The following MAPK10 variants were observed in gnomAD, a reference collection of about 807,000 sequenced individuals.
MAPK10 encodes JNK3 alpha protein kinase.
In MAPK10, 25 loss-of-function variants were observed where a neutral mutation model predicts 59.3. The observed-to-expected ratio is 0.42, with a 90% CI of 0.31 to 0.59. The LOEUF (loss-of-function observed/expected upper bound fraction) is 0.59. MAPK10 is among the 20% of genes least tolerant of loss of function. The pLI is 0.15. For synonymous variants in MAPK10, 190 were observed against 200.5 expected (o/e 0.95, Z 0.44); for missense variants, 351 against 568.9 (o/e 0.62, Z 3.90).
chr4:86,568,846 A>G (rs1292876033), intron 1 of MAPK10, among the ~76,000 whole-genome samples: 1 of 152,162 alleles, frequency 6.6e-6, no homozygotes, highest in Non-Finnish European at 1.5e-5. Context: ...AAAATCCAAA[A>G]GAAAACCTAG....
chr4:86,181,436 A>G (rs1011251318), intron 3 of MAPK10, among the ~76,000 whole-genome samples: 2 of 152,100 alleles, frequency 1.3e-5, no homozygotes, highest in African/African-American at 2.4e-5. Context: ...TCATAACTAA[A>G]TCATCGGTAA....
In MAPK10 at chr4:86,433,742, G is replaced by A. The variant is rs146695948; in HGVS notation, c.-122+19288C>T. On this transcript the variant is annotated intron_variant, in intron 1 of 13. Transcript: ENST00000361569. Reference sequence around the variant, plus strand: ...AAAACTGCTGGACCACGACTAGGCCGAGCTGTGCCCAGTCCAAGGCTCTAG... The same window carrying A: ...AAAACTGCTGGACCACGACTAGGCCAAGCTGTGCCCAGTCCAAGGCTCTAG... Among the ~76,000 whole-genome samples the A allele has an allele frequency of 5.9e-3, 903 of 151,866 alleles. 7 individuals are homozygous for A. The highest frequency in any genetic ancestry group is 0.019 in the African/African-American group (801 of 41,410).
intron 2 of MAPK10, among the ~76,000 whole-genome samples, chr4:86,233,841 A>G (rs377601564): frequency 2.0e-5 from 3 of 152,140 alleles, no homozygotes; most frequent in African/African-American, 7.2e-5. Context: ...CAGGAATCCA[A>G]AAAAGATGCT....
intron 2 of MAPK10, among the ~76,000 whole-genome samples, chr4:86,302,032 C>CAA (rs11284646): frequency 6.8e-6 from 1 of 147,624 alleles, no homozygotes; most frequent in Non-Finnish European, 1.5e-5. Flanking sequence ...TTTTTAAAAG[C>CAA]AAAAAAAAAA....
At chr4:86,271,776 T>A (rs1298208359) in intron 2 of MAPK10, among the ~76,000 whole-genome samples, 3 of 151,946 alleles carry the variant, frequency 2.0e-5, no homozygotes, top group South Asian at 2.1e-4. Flanking sequence ...AAAGCCCCTA[T>A]AAAAACATCA....
chr4:86,184,724 A>G lies in MAPK10; in HGVS notation c.66+9612T>C, dbSNP rs1026386520. On this transcript the variant is annotated intron_variant, in intron 3 of 13. Transcript: ENST00000641462. ...CTCTTGCTCCCACGCTGGCCGTGTG[A>G]GATGCCTGCTCCTCCCTTGCTTTCT... 5.9e-5 allele frequency among the ~76,000 whole-genome samples: 9 copies of G among 152,000 alleles called. No individual in the cohort carries two copies. In the South Asian group the frequency reaches 1.9e-3, roughly 32 times the overall value.
intron 8 of MAPK10, 93 bp from the exon 9 acceptor site, chr4:86,098,688 T>C: frequency 1.8e-6 from 2 of 1,104,098 alleles, no homozygotes; most frequent in Non-Finnish European, 2.7e-6. Context: ...AAAGAACAGT[T>C]TGATTAAAAG....
intron 2 of MAPK10, among the ~76,000 whole-genome samples, chr4:86,309,672 G>A (rs1372647704): frequency 6.6e-6 from 1 of 152,182 alleles, no homozygotes; most frequent in African/African-American, 2.4e-5. Flanking sequence ...TCTTGGGCAA[G>A]TTACTAACCT....
chr4:86,151,532 G>C (rs556059295), intron 4 of MAPK10, among the ~76,000 whole-genome samples: 2 of 152,122 alleles, frequency 1.3e-5, no homozygotes, highest in African/African-American at 4.8e-5. Flanking sequence ...GGGCTGATCC[G>C]GATGAGAGTT....
chr4:86,283,097 A>G (rs968876033), intron 2 of MAPK10, among the ~76,000 whole-genome samples: 16 of 152,176 alleles, frequency 1.1e-4, no homozygotes, highest in African/African-American at 3.6e-4. Flanking sequence ...TATAAAAAGG[A>G]TTCACTGGTT....
intron 4 of MAPK10, among the ~76,000 whole-genome samples, chr4:86,155,987 T>A (rs572348645): frequency 5.3e-4 from 80 of 152,066 alleles, no homozygotes; most frequent in African/African-American, 1.8e-3. Context: ...ATGAGTCACA[T>A]CCCCAGAAGG....
intron 2 of MAPK10, among the ~76,000 whole-genome samples, chr4:86,350,792 C>G (rs1209999748): frequency 6.6e-6 from 1 of 152,098 alleles, no homozygotes; most frequent in African/African-American, 2.4e-5. Flanking sequence ...GAATAATGGA[C>G]AAGAAGATAG....
intron 4 of MAPK10, among the ~76,000 whole-genome samples, chr4:86,118,132 T>G (rs1232940032): frequency 3.3e-5 from 5 of 152,222 alleles, no homozygotes; most frequent in African/African-American, 1.2e-4. Flanking sequence ...TGGCTGACAC[T>G]ACAATCTTTC....
chr4:86,289,149 C>A (rs1385047959), intron 2 of MAPK10, among the ~76,000 whole-genome samples: 1 of 151,946 alleles, frequency 6.6e-6, no homozygotes, highest in Non-Finnish European at 1.5e-5. Flanking sequence ...AGTGAAGGAG[C>A]GTTTAGGATA....
At chr4:86,581,150 C>T (rs1565074015) in intron 1 of MAPK10, among the ~76,000 whole-genome samples, 1 of 151,898 alleles carries the variant, frequency 6.6e-6, no homozygotes, top group Non-Finnish European at 1.5e-5. Flanking sequence ...TTTATGGATT[C>T]AACTTATTGC....
intron 1 of MAPK10, among the ~76,000 whole-genome samples, chr4:86,468,554 G>A (rs965793942): frequency 6.6e-6 from 1 of 152,136 alleles, no homozygotes; most frequent in Non-Finnish European, 1.5e-5. Flanking sequence ...GATGATATAA[G>A]TGTGAAAATA....
intron 2 of MAPK10, among the ~76,000 whole-genome samples, chr4:86,306,937 T>C (rs962290337): frequency 1.3e-5 from 2 of 152,174 alleles, no homozygotes; most frequent in African/African-American, 4.8e-5. Context: ...GTATTTTACA[T>C]GGCTGAGATA....
chr4:86,477,763 A>T (rs1753229793), intron 1 of MAPK10, among the ~76,000 whole-genome samples: 1 of 152,050 alleles, frequency 6.6e-6, no homozygotes, highest in African/African-American at 2.4e-5. Flanking sequence ...TATCCACCCC[A>T]TGGTGCCAAA....
intron 3 of MAPK10, chr4:86,194,036 G>T (rs1224821841): frequency 3.1e-6 from 1 of 322,794 alleles, no homozygotes. Flanking sequence ...TGGGTGAGGC[G>T]ACACCCCACC....
Sources: allele counts gnomAD v4.1 joint callset (sites outside exome capture counted in the v4.1 genomes callset), GRCh38; gene constraint gnomAD v4.1.1; transcripts MANE v1.5; gene names NCBI Gene and HGNC (gene_info 2026-07-23, HGNC 2026-07-21).